The following BEND2 variants were observed in gnomAD, a reference collection of about 807,000 sequenced individuals.
BEND2 encodes BEN domain-containing protein 2.
A neutral mutation model predicts 43.8 loss-of-function variants in BEND2; 19 were observed. The ratio of observed to expected loss-of-function variants is 0.43; its 90% CI spans 0.30 to 0.64. BEND2 has a LOEUF of 0.64. BEND2 is among the 30% of genes least tolerant of loss of function. The pLI, the probability that BEND2 is intolerant of heterozygous loss-of-function variation, is 0.11. For missense variants in BEND2, 544 were observed against 574.0 expected (o/e 0.95, Z 0.53); for synonymous variants, 226 against 210.1 (o/e 1.08, Z -0.66).
intron 13 of BEND2, among the ~76,000 whole-genome samples, 180 bp from the exon 14 acceptor site, chrX:18,165,403 A>G (rs1351932459): frequency 8.9e-6 from 1 of 112,449 alleles, no homozygotes; most frequent in African/African-American, 3.2e-5. Flanking sequence ...TAAAAAGAGA[A>G]CTATATGAAA....
At position 18,220,605 on chromosome X, in the gene BEND2, C is replaced by G. The variant is rs756370471; in HGVS notation, c.25+121G>C. The G allele has an allele frequency of 8.7e-5, 89 of 1,022,291 alleles. No homozygotes were observed. In the South Asian group the frequency reaches 1.7e-3, roughly 20 times the overall value. The allele number at this position is 1,022,291 out of a possible 1,213,427, so 84.2% of individuals were successfully genotyped here. A position where few individuals can be genotyped will look rare whatever the true frequency, so the allele number is the denominator to read the frequency against. ...TACCCAGAGGCCGCCCCCCGACACG[C>G]CCCGGTCAATGACTAGCCAATCCTG... is the stretch of plus-strand genomic sequence containing the variant. On this transcript the variant is annotated intron_variant, in intron 1 of 13. Transcript: ENST00000380033.
intron 8 of BEND2, among the ~76,000 whole-genome samples, chrX:18,183,257 G>C (rs940049470): frequency 1.8e-5 from 2 of 109,092 alleles, no homozygotes; most frequent in Non-Finnish European, 3.8e-5. Context: ...AAATATAAAA[G>C]AATTGAAATC....
intron 13 of BEND2, among the ~76,000 whole-genome samples, chrX:18,170,520 C>T (rs533880693): frequency 6.2e-5 from 7 of 112,401 alleles, no homozygotes; most frequent in Admixed American, 2.8e-4. Context: ...ATTTTGCTTC[C>T]GCTTTGTCCA....
chrX:18,188,869 C>A (rs1458625370), intron 8 of BEND2, among the ~76,000 whole-genome samples: 1 of 111,845 alleles, frequency 8.9e-6, no homozygotes, highest in Admixed American at 9.5e-5. Context: ...GATGCAAAAA[C>A]CCTCAACAAA....
intron 13 of BEND2, among the ~76,000 whole-genome samples, chrX:18,169,791 T>C (rs1192862091): frequency 1.8e-5 from 2 of 112,039 alleles, no homozygotes; most frequent in Admixed American, 9.5e-5. Flanking sequence ...GAATAATACG[T>C]CAAACTCATG....
chrX:18,201,250 G>C (rs973230560), intron 6 of BEND2, among the ~76,000 whole-genome samples: 13 of 106,752 alleles, frequency 1.2e-4, no homozygotes, highest in Non-Finnish European at 1.9e-4. Context: ...AAAAAAATTA[G>C]CCAGGCGTGG....
chrX:18,197,753 G>T (rs1281322100), intron 6 of BEND2, among the ~76,000 whole-genome samples: 2 of 111,580 alleles, frequency 1.8e-5, no homozygotes, highest in Non-Finnish European at 3.8e-5. Flanking sequence ...CTTGAGTAAT[G>T]ATATGGTTTG....
At chrX:18,201,239 C>CA (rs1352154595) in intron 6 of BEND2, among the ~76,000 whole-genome samples, 6 of 106,552 alleles carry the variant, frequency 5.6e-5, no homozygotes, top group South Asian at 4.4e-4. Context: ...ACTAAAAATA[C>CA]AAAAAAATTA....
chrX:18,182,613 C>T (rs1924422679), intron 8 of BEND2, among the ~76,000 whole-genome samples: 1 of 111,293 alleles, frequency 9.0e-6, no homozygotes, highest in Admixed American at 9.6e-5. Flanking sequence ...ATATAATGAT[C>T]CTCAATATGT....
At chrX:18,205,605 C>CAAAA (rs147435323) in intron 4 of BEND2, among the ~76,000 whole-genome samples, 1 of 24,149 alleles carries the variant, frequency 4.1e-5, no homozygotes, top group Non-Finnish European at 6.4e-5. Flanking sequence ...GACCCTGTCT[C>CAAAA]AAAAAAAAAA....
intron 8 of BEND2, among the ~76,000 whole-genome samples, chrX:18,186,973 A>T (rs1034468844): frequency 8.3e-5 from 9 of 108,736 alleles, no homozygotes; most frequent in Non-Finnish European, 1.5e-4. Context: ...TCTGGAAAAA[A>T]AAAAAAAAAG....
intron 8 of BEND2, among the ~76,000 whole-genome samples, chrX:18,190,342 G>T (rs771110725): frequency 1.5e-4 from 17 of 111,673 alleles, no homozygotes; most frequent in Admixed American, 1.9e-4. Context: ...TTCAGTGGGT[G>T]ACAAACCATG....
intron 11 of BEND2, among the ~76,000 whole-genome samples, chrX:18,175,122 C>T (rs1192677333): frequency 1.8e-5 from 2 of 111,655 alleles, no homozygotes; most frequent in African/African-American, 6.5e-5. Context: ...GTTTAGGGTG[C>T]AATTTTTGAA....
intron 9 of BEND2, among the ~76,000 whole-genome samples, chrX:18,179,532 T>C (rs1340295053): frequency 9.0e-6 from 1 of 110,900 alleles, no homozygotes; most frequent in Non-Finnish European, 1.9e-5. Context: ...AGCTCTCCTC[T>C]AGGAAGGGAG....
At chrX:18,179,463 C>G (rs773269373) in intron 9 of BEND2, among the ~76,000 whole-genome samples, 1 of 110,807 alleles carries the variant, frequency 9.0e-6, no homozygotes, top group Admixed American at 9.6e-5. Context: ...CGTGCCCAGC[C>G]GAGACCACAA....
intron 7 of BEND2, among the ~76,000 whole-genome samples, chrX:18,194,905 T>C (rs1212138164): frequency 9.2e-6 from 1 of 109,266 alleles, no homozygotes; most frequent in Non-Finnish European, 1.9e-5. Context: ...CTGATGGAAA[T>C]GATCTCTACC....
rs1438852920 is a variant in BEND2, at chrX:18,164,692, C to A, written c.*317G>T. ...TGGCTCCTTACTTTCTATTGAATTT[C>A]TTTCTCTACCTTATCAAAAAAACAA... On this transcript the variant is annotated 3_prime_UTR_variant, in exon 14 of 14. Coordinates refer to ENST00000380033, the MANE Select transcript of BEND2 (RefSeq NM_153346.5). 5.8e-6 allele frequency: 1 copy of A among 173,342 alleles called. No individual in the cohort carries two copies. The highest frequency in any genetic ancestry group is 3.0e-5 in the African/African-American group (1 of 33,096). The allele number at this position is 173,342 out of a possible 1,213,427, so 14.3% of individuals were successfully genotyped here.
At chrX:18,198,002 T>G (rs1418370372) in intron 6 of BEND2, among the ~76,000 whole-genome samples, 1 of 111,878 alleles carries the variant, frequency 8.9e-6, no homozygotes, top group Non-Finnish European at 1.9e-5. Context: ...TAGCCATATG[T>G]AGAAAGCTGA....
At chrX:18,165,694 G>T (rs1923805701) in intron 13 of BEND2, among the ~76,000 whole-genome samples, 1 of 112,005 alleles carries the variant, frequency 8.9e-6, no homozygotes, top group South Asian at 3.7e-4. Flanking sequence ...AGGAATAAGG[G>T]TCTTTAGATC....
Sources: allele counts gnomAD v4.1 joint callset (sites outside exome capture counted in the v4.1 genomes callset), GRCh38; gene constraint gnomAD v4.1.1; transcripts MANE v1.5; gene names NCBI Gene and HGNC (gene_info 2026-07-23, HGNC 2026-07-21).